SLCO4C1: variants seen among roughly 807,000 people sequenced by gnomAD.
SLCO4C1 encodes the protein organic anion transporter M1.
In SLCO4C1, 58 loss-of-function variants were observed where a neutral mutation model predicts 72.1. That is an observed-to-expected ratio of 0.80 (90% CI 0.65 to 1.00). SLCO4C1 has a LOEUF of 1.00. Ranked by LOEUF, SLCO4C1 falls within the 50% of genes least tolerant of loss-of-function variation. The pLI, the probability that SLCO4C1 is intolerant of heterozygous loss-of-function variation, is 0.00. For synonymous variants in SLCO4C1, 297 were observed against 312.5 expected (o/e 0.95, Z 0.52); for missense variants, 898 against 857.9 (o/e 1.05, Z -0.58).
chr5:102,291,887 T>C (rs1749560095), intron 1 of SLCO4C1, among the ~76,000 whole-genome samples: 2 of 152,138 alleles, frequency 1.3e-5, no homozygotes, highest in South Asian at 4.1e-4. Context: ...AATGGCGCGA[T>C]CTCGGCTCAC....
intron 1 of SLCO4C1, among the ~76,000 whole-genome samples, chr5:102,292,275 TAG>T (rs1303706269): frequency 6.6e-6 from 1 of 152,186 alleles, no homozygotes; most frequent in Non-Finnish European, 1.5e-5. Context: ...GCCAGTTTGA[TAG>T]AGTTTCCAAG....
At chr5:102,252,368 G>C (rs138534647) in intron 8 of SLCO4C1, among the ~76,000 whole-genome samples, 1 of 152,268 alleles carries the variant, frequency 6.6e-6, no homozygotes, top group African/African-American at 2.4e-5. Context: ...CTGAAGGAAA[G>C]AGTGATCAAG....
At chr5:102,264,530 T>G (rs1347227095) in intron 3 of SLCO4C1, among the ~76,000 whole-genome samples, 1 of 152,192 alleles carries the variant, frequency 6.6e-6, no homozygotes, top group South Asian at 2.1e-4. Context: ...AGAGTGTACA[T>G]GGTTATGTGT....
intron 1 of SLCO4C1, among the ~76,000 whole-genome samples, chr5:102,293,907 G>T (rs978927944): frequency 1.3e-5 from 2 of 151,668 alleles, no homozygotes; most frequent in Non-Finnish European, 2.9e-5. Flanking sequence ...GCTAATTTTT[G>T]TGGTGTTTTG....
At chr5:102,280,452 T>A (rs1448084676) in intron 2 of SLCO4C1, among the ~76,000 whole-genome samples, 1 of 151,644 alleles carries the variant, frequency 6.6e-6, no homozygotes. Flanking sequence ...ATGAAAAAAA[T>A]TAAAGAAAAT....
At chr5:102,265,289 G>A (rs1749016017) in intron 3 of SLCO4C1, among the ~76,000 whole-genome samples, 2 of 152,090 alleles carry the variant, frequency 1.3e-5, no homozygotes, top group Admixed American at 1.3e-4. Context: ...TCTGATGATT[G>A]TTTCGTGTGC....
chr5:102,248,310 T>C (rs981303963), intron 9 of SLCO4C1, among the ~76,000 whole-genome samples: 2 of 152,146 alleles, frequency 1.3e-5, no homozygotes, highest in Non-Finnish European at 2.9e-5. Flanking sequence ...GTGGATCAAT[T>C]GATTATTTCA....
rs1748442573 is a variant in SLCO4C1 at position 102,236,729 on chromosome 5, TG to T, written c.*128del. On this transcript the variant is annotated 3_prime_UTR_variant, in exon 13 of 13. Transcript: ENST00000310954. ...AACTACATAAGTAAAAAAATACATTTGATTATAAAAACATCAATTTTGTAAA... is the reference window on the plus strand; with the variant it reads ...AACTACATAAGTAAAAAAATACATTTATTATAAAAACATCAATTTTGTAAA... 1 of 1,065,838 alleles carries T rather than the reference TG, an allele frequency of 9.4e-7. No individual in the cohort carries two copies. The highest frequency in any genetic ancestry group is 2.7e-5 in the Admixed American group (1 of 36,368). The allele number at this position is 1,065,838 out of a possible 1,614,324, so 66.0% of individuals were successfully genotyped here. A position where few individuals can be genotyped will look rare whatever the true frequency, so the allele number is the denominator to read the frequency against.
At chr5:102,242,696 C>T (rs1388175834) in intron 10 of SLCO4C1, among the ~76,000 whole-genome samples, 1 of 152,140 alleles carries the variant, frequency 6.6e-6, no homozygotes, top group East Asian at 1.9e-4. Context: ...ATAACCAGCA[C>T]CAATACCCAG....
At chr5:102,262,919 C>T (rs1748967857) in intron 4 of SLCO4C1, among the ~76,000 whole-genome samples, 1 of 152,094 alleles carries the variant, frequency 6.6e-6, no homozygotes, top group African/African-American at 2.4e-5. Context: ...TTTTTATATT[C>T]ACTGCTCATG....
At chr5:102,287,808 C>T (rs776986027) in intron 2 of SLCO4C1, among the ~76,000 whole-genome samples, 14 of 152,110 alleles carry the variant, frequency 9.2e-5, no homozygotes, top group Admixed American at 1.3e-4. Flanking sequence ...CCCACCTTGG[C>T]CTCCAAAAGT....
chr5:102,286,123 TTC>T (rs531887536), intron 2 of SLCO4C1, among the ~76,000 whole-genome samples: 353 of 152,242 alleles, frequency 2.3e-3, no homozygotes, highest in African/African-American at 8.2e-3. Context: ...TGATGAAGCA[TTC>T]TCTCTCAAAT....
chr5:102,274,828 C>A (rs548885124), intron 2 of SLCO4C1, among the ~76,000 whole-genome samples: 1 of 152,210 alleles, frequency 6.6e-6, no homozygotes, highest in Non-Finnish European at 1.5e-5. Context: ...ACCTCCTAAC[C>A]ACTGCCCTGA....
Position 102,257,308 on chromosome 5 carries a change from C to G in SLCO4C1, c.1276G>C (p.Ala426Pro). The G allele has an allele frequency of 6.3e-7, 1 of 1,580,670 alleles. No homozygotes were observed. Among genetic ancestry groups the G allele is most frequent in the Non-Finnish European group, 8.6e-7 (1 of 1,167,854 alleles). ...TSSFAATLGG[A>P]VLIPGAALGQ... is the part of the protein sequence containing the mutation. ...AGAGCAGCTCCAGGAATTAAAACAGCCCCTAATAAGAAAAAAGAATGTAGA... is the reference window on the plus strand; with the variant it reads ...AGAGCAGCTCCAGGAATTAAAACAGGCCCTAATAAGAAAAAAGAATGTAGA... Residue 426 changes from alanine to proline, a missense_variant and splice_region_variant, in exon 8 of 13, where the codon GCT (alanine) becomes CCT (proline). By Grantham distance (27) the Ala-to-Pro change is conservative. Transcript: ENST00000310954.
chr5:102,288,250 C>G (rs1219524230), intron 2 of SLCO4C1, among the ~76,000 whole-genome samples: 1 of 152,052 alleles, frequency 6.6e-6, no homozygotes, highest in Non-Finnish European at 1.5e-5. Flanking sequence ...GCAGTTCATA[C>G]TAAAAAACTC....
intron 5 of SLCO4C1, 74 bp downstream of exon 5, chr5:102,261,838 A>G (rs1191498911): frequency 7.0e-7 from 1 of 1,431,648 alleles, no homozygotes; most frequent in Non-Finnish European, 9.3e-7. Flanking sequence ...TATAGTTCTT[A>G]TTAATCATAT....
At chr5:102,280,380 C>T (rs562541346) in intron 2 of SLCO4C1, among the ~76,000 whole-genome samples, 1 of 151,506 alleles carries the variant, frequency 6.6e-6, no homozygotes, top group Non-Finnish European at 1.5e-5. Context: ...AAAAGAAATA[C>T]TTAGATGTTA....
At chr5:102,268,408 A>G (rs1295778085) in intron 3 of SLCO4C1, among the ~76,000 whole-genome samples, 1 of 152,146 alleles carries the variant, frequency 6.6e-6, no homozygotes, top group Non-Finnish European at 1.5e-5. Context: ...TCTAATTTAA[A>G]TATAGCTACT....
intron 2 of SLCO4C1, among the ~76,000 whole-genome samples, chr5:102,284,899 T>A (rs1212634927): frequency 1.3e-5 from 2 of 152,208 alleles, no homozygotes; most frequent in Non-Finnish European, 2.9e-5. Context: ...TTTGGTCATT[T>A]GCATTTCAAC....
Sources: allele counts gnomAD v4.1 joint callset (sites outside exome capture counted in the v4.1 genomes callset), GRCh38; gene constraint gnomAD v4.1.1; transcripts MANE v1.5; gene names NCBI Gene and HGNC (gene_info 2026-07-23, HGNC 2026-07-21).